RANBP3L: variants seen among roughly 807,000 people sequenced by gnomAD.
RANBP3L encodes RAN binding protein 3 like.
A neutral mutation model predicts 67.2 loss-of-function variants in RANBP3L; 56 were observed. That is an observed-to-expected ratio of 0.83 (90% CI 0.67 to 1.04). The LOEUF (loss-of-function observed/expected upper bound fraction) is 1.04, where lower values mean the gene tolerates loss of function less well. Ranked by LOEUF, RANBP3L falls within the 50% of genes least tolerant of loss-of-function variation. The pLI, the probability that RANBP3L is intolerant of heterozygous loss-of-function variation, is 0.00. For synonymous variants in RANBP3L, 164 were observed against 181.4 expected, an observed-to-expected ratio of 0.90 and a Z score of 0.77; for missense variants, 496 against 535.5, an observed-to-expected ratio of 0.93 and a Z score of 0.73.
At chr5:36,289,333 G>A (rs1161793355) in intron 1 of RANBP3L, among the ~76,000 whole-genome samples, 1 of 151,970 alleles carries the variant, frequency 6.6e-6, no homozygotes, top group African/African-American at 2.4e-5. Flanking sequence ...CAAAAATGTA[G>A]GTTGTCAACT....
chr5:36,276,655 ACCT>A (rs1750593247), intron 1 of RANBP3L, among the ~76,000 whole-genome samples: 2 of 151,994 alleles, frequency 1.3e-5, no homozygotes, highest in Non-Finnish European at 2.9e-5. Context: ...AGGTGTCCCT[ACCT>A]TTTATTTCCA....
chr5:36,289,726 T>G (rs1751576547), intron 1 of RANBP3L, among the ~76,000 whole-genome samples: 1 of 152,192 alleles, frequency 6.6e-6, no homozygotes, highest in Non-Finnish European at 1.5e-5. Flanking sequence ...ATGTTGACTT[T>G]GTAGCCTGAT....
At chr5:36,271,595 A>T (rs919216832) in intron 1 of RANBP3L, among the ~76,000 whole-genome samples, 3 of 152,208 alleles carry the variant, frequency 2.0e-5, no homozygotes, top group African/African-American at 7.2e-5. Context: ...AAATATAATT[A>T]TGTACCTTTA....
chr5:36,258,220 C>A (rs937826464), intron 8 of RANBP3L, among the ~76,000 whole-genome samples: 1 of 152,104 alleles, frequency 6.6e-6, no homozygotes, highest in Admixed American at 6.5e-5. Flanking sequence ...CTGTTGTAAT[C>A]AAGGCCTGCA....
chr5:36,258,834 C>T (rs1334071729), intron 8 of RANBP3L, among the ~76,000 whole-genome samples: 1 of 152,194 alleles, frequency 6.6e-6, no homozygotes, highest in Non-Finnish European at 1.5e-5. Flanking sequence ...TTCAAACCTG[C>T]CTGTACATTG....
intron 4 of RANBP3L, chr5:36,268,313 T>TCCCGGGAGGCGGAGCTTGCA: frequency 7.3e-7 from 1 of 1,374,584 alleles, no homozygotes; most frequent in Non-Finnish European, 9.8e-7. Flanking sequence ...GTGGGTTTTT[T>TCCCGGGAGGCGGAGCTTGCA]GTTTTGTTTT....
intron 1 of RANBP3L, among the ~76,000 whole-genome samples, chr5:36,278,708 A>AC (rs2111986665): frequency 6.6e-6 from 1 of 152,292 alleles, no homozygotes; most frequent in Admixed American, 6.5e-5. Context: ...GTCAAGGGCT[A>AC]CCCTAAGTAC....
chr5:36,262,307 C>T lies in RANBP3L; in HGVS notation c.481-265G>A, dbSNP rs1016239909. 1.2e-4 allele frequency among the ~76,000 whole-genome samples: 19 copies of T among 152,102 alleles called. No individual in the cohort carries two copies. Among genetic ancestry groups the T allele is most frequent in the African/African-American group, 2.9e-4 (12 of 41,414 alleles). On this transcript the variant is annotated intron_variant, in intron 6 of 13. Transcript: ENST00000296604. Reference sequence around the variant, plus strand: ...CATACAGTGGCGATCTGTCTAATACCGGAATATCATAATATTCAGAAATCC... The same window carrying T: ...CATACAGTGGCGATCTGTCTAATACTGGAATATCATAATATTCAGAAATCC...
At position 36,265,025 on chromosome 5, in the gene RANBP3L, T is replaced by G. The variant is rs202109062; in HGVS notation, c.414A>C (p.Lys138Asn). ...LQLPQARSCAKVRKTFGHKAL... is the reference protein window; with the variant it reads ...LQLPQARSCANVRKTFGHKAL... ...CCTTGTGTCCAAATGTTTTTCTTAC[T>G]TTTGCACAACTTCGAGCTTGAGGTA... is the stretch of plus-strand genomic sequence containing the variant. Residue 138 changes from lysine (K) to asparagine (N), a missense_variant, in exon 6 of 14, where the codon AAA (lysine) becomes AAC (asparagine). By Grantham distance (94) the Lys-to-Asn change is moderately conservative. Transcript: ENST00000296604. 1.2e-6 allele frequency: 2 copies of G among 1,613,842 alleles called. No homozygotes were observed. Among genetic ancestry groups the G allele is most frequent in the South Asian group, 1.1e-5 (1 of 91,046 alleles).
intron 12 of RANBP3L, 38 bp downstream of exon 12, chr5:36,253,609 A>C: frequency 6.6e-7 from 1 of 1,508,910 alleles, no homozygotes; most frequent in Non-Finnish European, 9.2e-7. Context: ...CTATTAATTT[A>C]GTAGGATAAT....
At chr5:36,299,617 T>G (rs1262792307) in intron 1 of RANBP3L, among the ~76,000 whole-genome samples, 3 of 152,134 alleles carry the variant, frequency 2.0e-5, no homozygotes, top group Non-Finnish European at 4.4e-5. Flanking sequence ...TTCTAAGAAT[T>G]TATGCGAAGA....
At chr5:36,271,107 A>C (rs903969542) in intron 2 of RANBP3L, 146 bp downstream of exon 2, 4 of 613,896 alleles carry the variant, frequency 6.5e-6, no homozygotes, top group Non-Finnish European at 1.2e-5. Context: ...GTAAATCCTG[A>C]CTATATAAAT....
chr5:36,265,253 A>G (rs140994956), intron 5 of RANBP3L, among the ~76,000 whole-genome samples, 155 bp from the exon 6 acceptor site: 91 of 152,294 alleles, frequency 6.0e-4, no homozygotes, highest in Non-Finnish European at 1.1e-3. Context: ...GAGTTCCCCA[A>G]CATTCACACC....
At chr5:36,277,436 A>ATGTG (rs1750662013) in intron 1 of RANBP3L, among the ~76,000 whole-genome samples, 1 of 93,488 alleles carries the variant, frequency 1.1e-5, no homozygotes, top group African/African-American at 4.1e-5. Flanking sequence ...ATATATATAT[A>ATGTG]TATATGTGTG....
chr5:36,288,514 A>G (rs928575671), intron 1 of RANBP3L, among the ~76,000 whole-genome samples: 37 of 152,154 alleles, frequency 2.4e-4, no homozygotes, highest in Non-Finnish European at 1.9e-4. Context: ...GAACTGTTGG[A>G]TAACAGGGTA....
chr5:36,267,415 G>C (rs571427023), intron 4 of RANBP3L, among the ~76,000 whole-genome samples: 2 of 152,122 alleles, frequency 1.3e-5, no homozygotes, highest in East Asian at 3.9e-4. Context: ...GGCTGAGGCA[G>C]GAGAGTCACT....
intron 1 of RANBP3L, among the ~76,000 whole-genome samples, chr5:36,296,498 T>C (rs1752225862): frequency 6.6e-6 from 1 of 152,158 alleles, no homozygotes; most frequent in African/African-American, 2.4e-5. Context: ...TTTAAAAAAA[T>C]TAAACATTGT....
rs2111875623 is a variant in RANBP3L, at chr5:36,269,416, T to C, written c.242A>G (p.His81Arg). The change falls in exon 4 of 14, where the codon CAT becomes CGT. Residue 81 changes from histidine (H) to arginine (R), a missense_variant. Physicochemically the swap from His to Arg is conservative, Grantham distance 29. Coordinates refer to ENST00000296604, the MANE Select transcript of RANBP3L (RefSeq NM_145000.5). ...TCCCTGGGACTGAGAATCTGTAATA[T>C]GAAAAGTAAAAGATGAAGACCGTAC... ...KRVRSSSFTF[H>R]ITDSQSQGVR... The C allele has an allele frequency of 1.3e-6, 2 of 1,574,708 alleles. No homozygotes were observed. Among genetic ancestry groups the C allele is most frequent in the East Asian group, 2.2e-5 (1 of 44,734 alleles).
chr5:36,255,508 G>C lies in RANBP3L; in HGVS notation c.986C>G (p.Thr329Arg), dbSNP rs757172110. 6.2e-7 allele frequency: 1 copy of C among 1,611,806 alleles called. No homozygotes were observed. Among genetic ancestry groups the C allele is most frequent in the Non-Finnish European group, 8.5e-7 (1 of 1,178,358 alleles). The change falls in exon 11 of 14, where the codon ACA (threonine) becomes AGA (arginine). Residue 329 changes from threonine (T) to arginine (R), a missense_variant. Thr to Arg is a moderately conservative substitution (Grantham distance 71). Transcript: ENST00000296604. ...RGRGTLRLND[T>R]ASTDCGTLQS... Reference sequence around the variant, plus strand: ...TAATGTTCCACAGTCAGTGCTTGCTGTGTCATTCAGTCTCAACGTTCCTCT... The same window carrying C: ...TAATGTTCCACAGTCAGTGCTTGCTCTGTCATTCAGTCTCAACGTTCCTCT...
Sources: allele counts gnomAD v4.1 joint callset (sites outside exome capture counted in the v4.1 genomes callset), GRCh38; gene constraint gnomAD v4.1.1; transcripts MANE v1.5; gene names NCBI Gene and HGNC (gene_info 2026-07-23, HGNC 2026-07-21).